Variants in PIBF1 observed in about 807,000 individuals in gnomAD.
PIBF1 encodes progesterone-induced-blocking factor 1.
In PIBF1, 90 loss-of-function variants were observed where a neutral mutation model predicts 112.5. The observed-to-expected ratio is 0.80, with a 90% CI of 0.67 to 0.95. The LOEUF (loss-of-function observed/expected upper bound fraction) is 0.95, where lower values mean the gene tolerates loss of function less well. Among genes scored for constraint, PIBF1 ranks in the 40% least tolerant of loss-of-function variants. The pLI, the probability that PIBF1 is intolerant of heterozygous loss-of-function variation, is 0.00. For synonymous variants in PIBF1, 301 were observed against 288.6 expected (o/e 1.04, Z -0.44); for missense variants, 915 against 852.3 (o/e 1.07, Z -0.92).
intron 10 of PIBF1, among the ~76,000 whole-genome samples, chr13:72,889,505 AC>A (rs762030682): frequency 6.6e-6 from 1 of 152,186 alleles, no homozygotes; most frequent in Non-Finnish European, 1.5e-5. Context: ...CCATATTTCA[AC>A]ATAAAGTTGA....
At chr13:72,895,747 C>A (rs112981936) in intron 11 of PIBF1, among the ~76,000 whole-genome samples, 13 of 116,130 alleles carry the variant, frequency 1.1e-4, no homozygotes, top group Admixed American at 5.0e-4. Flanking sequence ...TGAATTTTAG[C>A]TCCAGATCGA....
chr13:72,915,772 A>G (rs967084563), intron 12 of PIBF1, among the ~76,000 whole-genome samples: 5 of 152,194 alleles, frequency 3.3e-5, no homozygotes, highest in Non-Finnish European at 5.9e-5. Context: ...TTCACCATGA[A>G]AGATAGGGAC....
chr13:72,843,398 A>G (rs1008731554), intron 9 of PIBF1, among the ~76,000 whole-genome samples: 1 of 152,172 alleles, frequency 6.6e-6, no homozygotes. Context: ...GTGATAAGGC[A>G]TGGCCATTAG....
chr13:72,951,891 G>A (rs536720934), intron 14 of PIBF1, among the ~76,000 whole-genome samples: 92 of 152,034 alleles, frequency 6.1e-4, no homozygotes, highest in African/African-American at 2.1e-3. Flanking sequence ...TAGTAGAGAC[G>A]GGGTTTCACC....
chr13:72,894,609 G>A (rs1422337314), intron 11 of PIBF1, among the ~76,000 whole-genome samples: 2 of 151,462 alleles, frequency 1.3e-5, no homozygotes, highest in Non-Finnish European at 2.9e-5. Context: ...CAAATCAGTA[G>A]GGAAAGTATG....
At chr13:72,969,480 C>T (rs1439038290) in intron 15 of PIBF1, 1 of 152,156 alleles carries the variant, frequency 6.6e-6, no homozygotes, top group Admixed American at 6.5e-5. Flanking sequence ...GAAGCAACTA[C>T]CTTCTAAAGT....
At chr13:72,829,906 C>G (rs907363414) in intron 8 of PIBF1, among the ~76,000 whole-genome samples, 2 of 152,064 alleles carry the variant, frequency 1.3e-5, no homozygotes, top group Non-Finnish European at 2.9e-5. Context: ...TCTTCCTATC[C>G]GTGAGCATGG....
chr13:73,000,085 C>T (rs1475607902), intron 17 of PIBF1, among the ~76,000 whole-genome samples: 2 of 152,166 alleles, frequency 1.3e-5, no homozygotes, highest in Non-Finnish European at 2.9e-5. Context: ...TTTAAGGATA[C>T]GTGTGGCAGT....
chr13:72,788,474 T>G (rs948976528), intron 2 of PIBF1, among the ~76,000 whole-genome samples: 8 of 152,246 alleles, frequency 5.3e-5, no homozygotes, highest in African/African-American at 1.9e-4. Context: ...CTTGATCGCA[T>G]TAGGAACCCA....
chr13:72,953,282 A>G (rs1367583202), intron 14 of PIBF1, among the ~76,000 whole-genome samples: 2 of 152,202 alleles, frequency 1.3e-5, no homozygotes, highest in Non-Finnish European at 2.9e-5. Context: ...GATGAAAAAC[A>G]ACTTCCCACA....
chr13:72,822,620 A>T (rs1241385568), intron 6 of PIBF1, among the ~76,000 whole-genome samples: 1 of 152,230 alleles, frequency 6.6e-6, no homozygotes, highest in Non-Finnish European at 1.5e-5. Context: ...CTGCATATGT[A>T]ATATAAATGG....
At chr13:72,908,348 C>A (rs2040772582) in intron 11 of PIBF1, among the ~76,000 whole-genome samples, 183 bp from the exon 12 acceptor site, 1 of 151,980 alleles carries the variant, frequency 6.6e-6, no homozygotes, top group African/African-American at 2.4e-5. Flanking sequence ...CAGTTAAAAA[C>A]AACTGAATTA....
chr13:72,884,276 A>G (rs2039758147), intron 10 of PIBF1, among the ~76,000 whole-genome samples: 1 of 152,232 alleles, frequency 6.6e-6, no homozygotes, highest in South Asian at 2.1e-4. Context: ...CATCATGCCA[A>G]TTCAAGTTTC....
At chr13:72,821,568 T>A (rs1354922691) in intron 5 of PIBF1, among the ~76,000 whole-genome samples, 2 of 152,216 alleles carry the variant, frequency 1.3e-5, no homozygotes, top group Non-Finnish European at 2.9e-5. Flanking sequence ...TTAACATTTG[T>A]AGTCATTTTA....
In PIBF1 at chr13:72,961,286, A is replaced by G. The variant is rs546680917; in HGVS notation, c.1834-3988A>G. Among the ~76,000 whole-genome samples the G allele has an allele frequency of 3.3e-5, 5 of 152,030 alleles. No individual in the cohort carries two copies. In the South Asian group the frequency reaches 1.0e-3, roughly 32 times the overall value. On this transcript the variant is annotated intron_variant, in intron 14 of 17. Transcript: ENST00000326291. ...TCCTTGATTCTTTCTGCCTCCCACC[A>G]TGCTTTCCACTATATCCATCCCACT... is the stretch of plus-strand genomic sequence containing the variant.
intron 5 of PIBF1, among the ~76,000 whole-genome samples, chr13:72,811,078 T>C (rs187424789): frequency 6.6e-6 from 1 of 152,202 alleles, no homozygotes; most frequent in East Asian, 1.9e-4. Context: ...GCCAGGATGG[T>C]CTTGATCTCC....
chr13:72,799,054 C>T (rs1424342089), intron 5 of PIBF1, among the ~76,000 whole-genome samples: 1 of 152,160 alleles, frequency 6.6e-6, no homozygotes, highest in Non-Finnish European at 1.5e-5. Flanking sequence ...AGTTTACTTT[C>T]TAGCAGGTTA....
intron 16 of PIBF1, among the ~76,000 whole-genome samples, chr13:72,992,064 A>C (rs1023617831): frequency 1.3e-5 from 2 of 152,124 alleles, no homozygotes; most frequent in African/African-American, 4.8e-5. Context: ...ACAGTGGCTC[A>C]CACTTTAAAT....
intron 16 of PIBF1, among the ~76,000 whole-genome samples, chr13:72,985,371 C>CAAAAAAAAAAAAAA (rs67195605): frequency 1.4e-4 from 11 of 76,210 alleles, no homozygotes; most frequent in African/African-American, 2.2e-4. Flanking sequence ...ACTAAAAATA[C>CAAAAAAAAAAAAAA]AAAAAAAAAA....
Sources: allele counts gnomAD v4.1 joint callset (sites outside exome capture counted in the v4.1 genomes callset), GRCh38; gene constraint gnomAD v4.1.1; transcripts MANE v1.5; gene names NCBI Gene and HGNC (gene_info 2026-07-23, HGNC 2026-07-21).